Variants in LETM1 observed in about 807,000 individuals in gnomAD.
LETM1 encodes the protein leucine zipper and EF-hand containing transmembrane protein 1, also known as mitochondrial proton/calcium exchanger protein.
In LETM1, 50 loss-of-function variants were observed where a neutral mutation model predicts 74.5. The observed-to-expected ratio is 0.67, with a 90% confidence interval of 0.53 to 0.85. The LOEUF is 0.85. Among genes scored for constraint, LETM1 ranks in the 40% least tolerant of loss-of-function variants. LETM1 has a pLI of 0.00. For missense variants in LETM1, 824 were observed against 967.8 expected, an observed-to-expected ratio of 0.85 and a Z score of 1.97; for synonymous variants, 446 against 407.1, an observed-to-expected ratio of 1.10 and a Z score of -1.15.
chr4:1,825,159 G>A (rs757955110), intron 7 of LETM1, among the ~76,000 whole-genome samples: 9 of 152,194 alleles, frequency 5.9e-5, no homozygotes, highest in Non-Finnish European at 1.0e-4. Flanking sequence ...GAGAAGGGGC[G>A]GCTCCAAAGT....
At chr4:1,850,021 G>A (rs1230602386) in intron 1 of LETM1, among the ~76,000 whole-genome samples, 3 of 152,240 alleles carry the variant, frequency 2.0e-5, no homozygotes, top group South Asian at 2.1e-4. Flanking sequence ...GGGTATGGTG[G>A]CACATGCTTG....
Position 1,856,013 on chromosome 4 carries a change from C to G in LETM1, c.-63G>C, listed in dbSNP as rs1029459277. 7.4e-5 allele frequency: 79 copies of G among 1,068,662 alleles called. No individual in the cohort carries two copies. The highest frequency in any genetic ancestry group is 9.1e-5 in the Non-Finnish European group (77 of 849,058). The allele number at this position is 1,068,662 out of a possible 1,614,324, so 66.2% of individuals were successfully genotyped here. On this transcript the variant is annotated 5_prime_UTR_variant, in exon 1 of 14. Coordinates refer to ENST00000302787, the MANE Select transcript of LETM1 (RefSeq NM_012318.3). Reference sequence around the variant, plus strand: ...GCCTCCTTCTCCGCGGCGGCCGCGGCTCTTCGCCGTCCCGGCGGCGCTTCA... The same window carrying G: ...GCCTCCTTCTCCGCGGCGGCCGCGGGTCTTCGCCGTCCCGGCGGCGCTTCA...
chr4:1,853,377 A>G (rs1286319690), intron 1 of LETM1, among the ~76,000 whole-genome samples: 1 of 152,266 alleles, frequency 6.6e-6, no homozygotes, highest in East Asian at 1.9e-4. Flanking sequence ...ACTTCAGCCT[A>G]CTGATCAAGG....
chr4:1,852,468 C>T (rs1713101315), intron 1 of LETM1, among the ~76,000 whole-genome samples: 1 of 152,338 alleles, frequency 6.6e-6, no homozygotes, highest in East Asian at 1.9e-4. Flanking sequence ...TATTGGCCCA[C>T]TGGCCATGGG....
At chr4:1,838,080 T>C (rs1712516932) in intron 3 of LETM1, among the ~76,000 whole-genome samples, 1 of 152,044 alleles carries the variant, frequency 6.6e-6, no homozygotes, top group South Asian at 2.1e-4. Flanking sequence ...CACATTTCAG[T>C]GCACAGGATT....
chr4:1,841,068 G>A (rs1371937583), intron 3 of LETM1, among the ~76,000 whole-genome samples: 1 of 152,212 alleles, frequency 6.6e-6, no homozygotes, highest in Non-Finnish European at 1.5e-5. Context: ...ATTTGGGCAC[G>A]GCCCAGCACG....
rs1018735957 is a variant in LETM1, at chr4:1,834,273, C to A, written c.876+572G>T. The A allele has an allele frequency of 2.7e-5, 13 of 476,352 alleles. No homozygotes were observed. The highest frequency in any genetic ancestry group is 1.9e-4 in the African/African-American group (9 of 47,464). 29.5% of individuals were successfully genotyped at this position (476,352 alleles called of 1,614,324 possible). ...ACATCCTTCTCACTCCAAAGTGGCA[C>A]AAGTCCCTCAAGCCAACAACACCGG... is the stretch of plus-strand genomic sequence containing the variant. On this transcript the variant is annotated intron_variant, in intron 5 of 13. Coordinates refer to ENST00000302787, the MANE Select transcript of LETM1 (RefSeq NM_012318.3). The surrounding 1 kb of genome is among the most constrained non-coding windows in gnomAD (Gnocchi z 5.0).
intron 2 of LETM1, among the ~76,000 whole-genome samples, chr4:1,847,060 G>A (rs11940238): frequency 0.028 from 4,208 of 150,630 alleles, 193 homozygotes; most frequent in African/African-American, 0.1. Context: ...GCCGGGTGCA[G>A]TGGCTCACAC....
chr4:1,841,623 A>C lies in LETM1; in HGVS notation c.318T>G (p.Arg106=). 6.2e-7 allele frequency: 1 copy of C among 1,614,194 alleles called. No homozygotes were observed. Residue 106 remains arginine (R), a synonymous_variant, in exon 3 of 14, where the codon CGT becomes CGG. Coordinates refer to ENST00000302787, the MANE Select transcript of LETM1 (RefSeq NM_012318.3). ...VAVGPQCLPV[R]GWHSSRPVRD... ...GAACAGGGCGCGAAGAGTGCCAGCCACGCACAGGAAGGCACTGAGGTCCCA... is the reference window on the plus strand; with the variant it reads ...GAACAGGGCGCGAAGAGTGCCAGCCCCGCACAGGAAGGCACTGAGGTCCCA...
chr4:1,851,960 G>A lies in LETM1; in HGVS notation c.83-2751C>T, dbSNP rs145882354. On this transcript the variant is annotated intron_variant, in intron 1 of 13. Transcript: ENST00000302787. ...CTCCAAGGAACCCCCAGTCAAGGCC[G>A]TTCGGGGTGATGGGGATCATTGCTC... Among the ~76,000 whole-genome samples the A allele has an allele frequency of 7.1e-3, 1,087 of 152,342 alleles. 7 individuals carry two copies. The highest frequency in any genetic ancestry group is 0.011 in the Non-Finnish European group (766 of 68,028).
chr4:1,814,007 G>A lies in LETM1; in HGVS notation c.*417C>T, dbSNP rs772162958. The A allele has an allele frequency of 6.0e-5, 13 of 216,376 alleles. No individual in the cohort carries two copies. The highest frequency in any genetic ancestry group is 1.1e-4 in the Non-Finnish European group (12 of 106,408). The allele number at this position is 216,376 out of a possible 1,614,324, so 13.4% of individuals were successfully genotyped here. Reference sequence around the variant, plus strand: ...TTCAGCCCTGAGGAGGCCAGGCTGTGTCTCCTGACGCCCCTGAGGGTGGGC... The same window carrying A: ...TTCAGCCCTGAGGAGGCCAGGCTGTATCTCCTGACGCCCCTGAGGGTGGGC... On this transcript the variant is annotated 3_prime_UTR_variant, in exon 14 of 14. Coordinates refer to ENST00000302787, the MANE Select transcript of LETM1 (RefSeq NM_012318.3).
rs937966153 is a variant in LETM1 at position 1,832,809 on chromosome 4, C to T, written c.1015G>A (p.Gly339Ser). ...LCKLLELQSI[G>S]TNNFLRFQLT... ...TGGAAGCGCAGGAAGTTGTTGGTGC[C>T]GATGGACTGTAGCTCCAGCAGCTTG... Residue 339 changes from glycine (G) to serine (S), a missense_variant, in exon 6 of 14, where the codon GGC becomes AGC. By Grantham distance (56) the Gly-to-Ser change is moderately conservative. Transcript: ENST00000302787. The T allele has an allele frequency of 5.0e-6, 8 of 1,614,074 alleles. No individual in the cohort carries two copies. The highest frequency in any genetic ancestry group is 4.5e-5 in the East Asian group (2 of 44,902).
chr4:1,817,844 T>A (rs1339095426), intron 11 of LETM1, among the ~76,000 whole-genome samples: 1 of 152,154 alleles, frequency 6.6e-6, no homozygotes, highest in Non-Finnish European at 1.5e-5. Flanking sequence ...TGATCTCAGC[T>A]CACTGCAGCC....
chr4:1,847,149 T>C (rs929368175), intron 2 of LETM1, among the ~76,000 whole-genome samples: 1 of 151,468 alleles, frequency 6.6e-6, no homozygotes, highest in Non-Finnish European at 1.5e-5. Flanking sequence ...CTGGACAACA[T>C]AGTGAGAACC....
intron 7 of LETM1, among the ~76,000 whole-genome samples, 190 bp from the exon 8 acceptor site, chr4:1,823,965 G>A (rs1040972702): frequency 1.3e-5 from 2 of 152,174 alleles, no homozygotes; most frequent in African/African-American, 4.8e-5. Flanking sequence ...GAGGCTTGGG[G>A]GTCAGCAACC....
intron 11 of LETM1, among the ~76,000 whole-genome samples, chr4:1,817,725 T>C (rs1358967971): frequency 6.6e-6 from 1 of 152,202 alleles, no homozygotes; most frequent in African/African-American, 2.4e-5. Context: ...TCAATTTCCT[T>C]CACATTTGTT....
At chr4:1,816,598 G>A (rs1577308287) in intron 12 of LETM1, 129 bp downstream of exon 12, 3 of 836,390 alleles carry the variant, frequency 3.6e-6, no homozygotes, top group East Asian at 2.6e-5. Context: ...GGTCAAAGGT[G>A]GAGAGGCAGC....
chr4:1,821,403 T>G (rs1711770030), intron 10 of LETM1, among the ~76,000 whole-genome samples: 1 of 151,352 alleles, frequency 6.6e-6, no homozygotes. Flanking sequence ...AATTTTTTTT[T>G]TATGGCTGGG....
rs537343136 is a variant in LETM1 at position 1,831,845 on chromosome 4, A to G, written c.1080+899T>C. On this transcript the variant is annotated intron_variant, in intron 6 of 13. Coordinates refer to ENST00000302787, the MANE Select transcript of LETM1 (RefSeq NM_012318.3). Reference sequence around the variant, plus strand: ...TGCCTGCATTCAGGAAAAACTAAACACTACAAACAAAATCAGAAGGGAGAG... The same window carrying G: ...TGCCTGCATTCAGGAAAAACTAAACGCTACAAACAAAATCAGAAGGGAGAG... 5.3e-5 allele frequency among the ~76,000 whole-genome samples: 8 copies of G among 152,326 alleles called. No individual in the cohort carries two copies. The South Asian group carries it at 1.7e-3, about 32-fold the overall frequency.
Sources: gnomAD v4.1 joint callset for allele counts (sites outside exome capture counted in the v4.1 genomes callset) on GRCh38, gnomAD v4.1.1 for gene constraint, Gnocchi (gnomAD v3.1) non-coding constraint, MANE v1.5 for transcripts, NCBI Gene and HGNC (gene_info 2026-07-23, HGNC 2026-07-21) for gene names.